Variants in SCHIP1 observed in about 807,000 individuals in gnomAD.
SCHIP1 encodes the protein schwannomin interacting protein 1.
SCHIP1 carries 8 observed loss-of-function variants against 29.7 expected under a neutral mutation model. The ratio of observed to expected loss-of-function variants is 0.27; its 90% CI spans 0.16 to 0.49. SCHIP1 has a LOEUF of 0.49. Among genes scored for constraint, SCHIP1 ranks in the 20% least tolerant of loss-of-function variants. The pLI is 0.99. For synonymous variants in SCHIP1, 76 were observed against 94.9 expected (o/e 0.80, Z 1.16); for missense variants, 193 against 294.6 (o/e 0.66, Z 2.52).
chr3:159,614,871 G>A, the SCHIP1 span, among the ~76,000 whole-genome samples: 9 of 152,192 alleles, frequency 5.9e-5, no homozygotes, highest in South Asian at 2.1e-4. Flanking sequence ...TGCTAGGTGC[G>A]TGCAAGGGAC....
the SCHIP1 span, among the ~76,000 whole-genome samples, chr3:159,370,253 A>G: frequency 1.3e-5 from 2 of 151,432 alleles, no homozygotes; most frequent in South Asian, 4.2e-4. Context: ...TCACTTGCTC[A>G]CTCTATCTCA....
the SCHIP1 span, among the ~76,000 whole-genome samples, chr3:159,744,536 A>G: frequency 2.6e-5 from 4 of 152,194 alleles, no homozygotes; most frequent in Admixed American, 2.6e-4. Context: ...CCCCCTGCCT[A>G]TCTTGCCTGC....
At chr3:159,611,861 A>T in the SCHIP1 span, among the ~76,000 whole-genome samples, 1 of 152,106 alleles carries the variant, frequency 6.6e-6, no homozygotes, top group African/African-American at 2.4e-5. Flanking sequence ...GCTGGGTTTC[A>T]GTGTCATTCA....
chr3:159,375,748 A>G, the SCHIP1 span: 3 of 870,478 alleles, frequency 3.4e-6, no homozygotes, highest in Non-Finnish European at 4.1e-6. Flanking sequence ...AAATAAATAA[A>G]TAAATAAATA....
the SCHIP1 span, among the ~76,000 whole-genome samples, chr3:159,690,512 GTCTA>G: frequency 6.6e-6 from 1 of 152,090 alleles, no homozygotes; most frequent in Non-Finnish European, 1.5e-5. Flanking sequence ...CTGGCTAGCA[GTCTA>G]TCTATTTTGT....
chr3:159,724,913 C>T, the SCHIP1 span, among the ~76,000 whole-genome samples: 1 of 152,216 alleles, frequency 6.6e-6, no homozygotes, highest in Non-Finnish European at 1.5e-5. Context: ...AGCAAGATTT[C>T]TCAATGTTTT....
At chr3:159,808,965 A>C in the SCHIP1 span, among the ~76,000 whole-genome samples, 1 of 146,858 alleles carries the variant, frequency 6.8e-6, no homozygotes, top group Non-Finnish European at 1.5e-5. Flanking sequence ...CTCAAAAAAA[A>C]AGAAACTTTT....
At chr3:159,435,200 T>G in the SCHIP1 span, among the ~76,000 whole-genome samples, 1 of 152,300 alleles carries the variant, frequency 6.6e-6, no homozygotes, top group East Asian at 1.9e-4. Flanking sequence ...TGGAGATAAT[T>G]ATGCCCAACA....
the SCHIP1 span, among the ~76,000 whole-genome samples, chr3:159,439,981 C>G: frequency 6.6e-6 from 1 of 152,150 alleles, no homozygotes; most frequent in Non-Finnish European, 1.5e-5. Context: ...TTGCCCATGC[C>G]TATATCCTGA....
At chr3:159,294,259 T>G in the SCHIP1 span, among the ~76,000 whole-genome samples, 1,449 of 152,308 alleles carry the variant, frequency 9.5e-3, 14 homozygotes, top group African/African-American at 0.014. Context: ...AAATGTGGAT[T>G]ATTTTCATCT....
the SCHIP1 span, among the ~76,000 whole-genome samples, chr3:159,538,005 G>C: frequency 6.6e-6 from 1 of 152,128 alleles, no homozygotes; most frequent in African/African-American, 2.4e-5. Context: ...TTTGTGGCCT[G>C]ATCTGTACAC....
At chr3:159,447,931 G>GTGTGCTAT in the SCHIP1 span, among the ~76,000 whole-genome samples, 1 of 152,124 alleles carries the variant, frequency 6.6e-6, no homozygotes, top group Admixed American at 6.6e-5. Context: ...GTCCCTTAAG[G>GTGTGCTAT]GATGCAGAGT....
chr3:159,734,263 C>T, the SCHIP1 span, among the ~76,000 whole-genome samples: 1 of 151,186 alleles, frequency 6.6e-6, no homozygotes, highest in Non-Finnish European at 1.5e-5. Flanking sequence ...CTGCCTCAGC[C>T]TGCTGAGTAG....
At chr3:159,422,817 G>T in the SCHIP1 span, among the ~76,000 whole-genome samples, 29,373 of 152,060 alleles carry the variant, frequency 0.19, 2,926 homozygotes, top group Middle Eastern at 0.29. Flanking sequence ...CATTGTGTGG[G>T]TATACCAAAA....
At chr3:159,734,135 C>CTTTTT in the SCHIP1 span, among the ~76,000 whole-genome samples, 57 of 100,908 alleles carry the variant, frequency 5.6e-4, no homozygotes, top group East Asian at 1.1e-3. Context: ...TTATTGTTTA[C>CTTTTT]TTTTTTTTTT....
At chr3:159,350,128 C>T in the SCHIP1 span, among the ~76,000 whole-genome samples, 8 of 152,098 alleles carry the variant, frequency 5.3e-5, no homozygotes, top group Admixed American at 6.6e-5. Context: ...GCACTCTGTG[C>T]TTAGCTCCTG....
At chr3:159,619,414 G>T in the SCHIP1 span, among the ~76,000 whole-genome samples, 3 of 152,258 alleles carry the variant, frequency 2.0e-5, no homozygotes, top group East Asian at 3.9e-4. Flanking sequence ...ATTGCCATTG[G>T]TTCCCCCTTG....
At chr3:159,651,129 T>G in the SCHIP1 span, among the ~76,000 whole-genome samples, 1 of 152,240 alleles carries the variant, frequency 6.6e-6, no homozygotes, top group African/African-American at 2.4e-5. Flanking sequence ...TTATTTGCTA[T>G]CATTTTATTA....
chr3:159,304,895 A>T, the SCHIP1 span, among the ~76,000 whole-genome samples: 5 of 151,970 alleles, frequency 3.3e-5, no homozygotes, highest in Admixed American at 6.5e-5. Flanking sequence ...CACCTCAGAA[A>T]TCCCTGCCTC....
Sources: allele counts gnomAD v4.1 joint callset (sites outside exome capture counted in the v4.1 genomes callset), GRCh38; gene constraint gnomAD v4.1.1; transcripts MANE v1.5; gene names NCBI Gene and HGNC (gene_info 2026-07-23, HGNC 2026-07-21).